Variants in TMEM74 observed in about 807,000 individuals in gnomAD.
The protein encoded by TMEM74 is transmembrane protein 74.
A neutral mutation model predicts 18.1 loss-of-function variants in TMEM74; 13 were observed. The ratio of observed to expected loss-of-function variants is 0.72; its 90% CI spans 0.47 to 1.14. TMEM74 has a LOEUF of 1.14. Among genes scored for constraint, TMEM74 ranks in the 50% most tolerant of loss-of-function variants. The probability of loss-of-function intolerance (pLI) is 0.00; values close to 1 mark genes in which losing one functional copy is unlikely to be tolerated. For synonymous variants in TMEM74, 159 were observed against 146.6 expected, an observed-to-expected ratio of 1.08 and a Z score of -0.61; for missense variants, 372 against 375.9, an observed-to-expected ratio of 0.99 and a Z score of 0.09.
rs117142920 is a variant in TMEM74, at chr8:108,675,253, A to G, written n.120-19816T>C. Among the ~76,000 whole-genome samples, 114 of 152,194 alleles carry G rather than the reference A, an allele frequency of 7.5e-4. No individual in the cohort carries two copies. The East Asian group carries it at 0.021, about 28-fold the overall frequency. On this transcript the variant is annotated intron_variant and non_coding_transcript_variant, in intron 1 of 3. Coordinates refer to the TMEM74 transcript ENST00000518838. The stretch of plus-strand genomic sequence containing the variant: ...TCCTTTTGGTATTGCTTGTACTTGT[A>G]TTTGAACTTGAATCCTGATATCAGT...
chr8:108,633,755 T>C (rs1435874261), intron 2 of TMEM74, among the ~76,000 whole-genome samples: 1 of 152,014 alleles, frequency 6.6e-6, no homozygotes, highest in Non-Finnish European at 1.5e-5. Context: ...TTCCAAATGC[T>C]CTCTAATGGA....
chr8:108,665,050 T>G (rs1474556222), intron 1 of TMEM74, among the ~76,000 whole-genome samples: 1 of 152,132 alleles, frequency 6.6e-6, no homozygotes, highest in Non-Finnish European at 1.5e-5. Context: ...TTATCTCTCT[T>G]GCCAATGGTC....
Position 108,686,654 on chromosome 8 carries a change from T to C in TMEM74, n.120-31217A>G, listed in dbSNP as rs539549100. On this transcript the variant is annotated intron_variant and non_coding_transcript_variant, in intron 1 of 3. Transcript: ENST00000518838. ...TAATTGCTTTGCAAATCTCACTCAG[T>C]CAGGTTCTAAGTCCAACATTTGTAG... is the stretch of plus-strand genomic sequence containing the variant. Among the ~76,000 whole-genome samples, 10 of 150,298 alleles carry C rather than the reference T, an allele frequency of 6.7e-5. No homozygotes were observed. In the East Asian group the frequency reaches 2.0e-3, roughly 30 times the overall value.
At chr8:108,643,874 T>C (rs1812690479) in intron 2 of TMEM74, among the ~76,000 whole-genome samples, 2 of 152,040 alleles carry the variant, frequency 1.3e-5, no homozygotes, top group African/African-American at 4.8e-5. Flanking sequence ...TGGAAAAATA[T>C]TCCATGCTCA....
At chr8:108,726,796 GT>G (rs1185853758) in intron 1 of TMEM74, among the ~76,000 whole-genome samples, 1 of 151,900 alleles carries the variant, frequency 6.6e-6, no homozygotes, top group Non-Finnish European at 1.5e-5. Flanking sequence ...GAGGGTTGAG[GT>G]GAAAAATAAA....
intron 2 of TMEM74, among the ~76,000 whole-genome samples, chr8:108,613,672 C>A (rs2130535736): frequency 1.3e-5 from 2 of 152,264 alleles, no homozygotes; most frequent in South Asian, 4.1e-4. Context: ...TGCATTTTGT[C>A]CACCACAAAG....
At chr8:108,775,460 T>C (rs918619477), downstream of TMEM74, among the ~76,000 whole-genome samples, 2 of 152,190 alleles carry the variant, frequency 1.3e-5, no homozygotes, top group South Asian at 2.1e-4. Flanking sequence ...TCTTTGGCAA[T>C]GTATTTCCCT....
intron 2 of TMEM74, among the ~76,000 whole-genome samples, chr8:108,647,738 A>AT (rs1210830755): frequency 1.1e-4 from 16 of 152,146 alleles, no homozygotes; most frequent in South Asian, 2.1e-4. Context: ...ACTAAGAGCC[A>AT]TTTTTTTGCC....
rs1168459869 is a variant in TMEM74 at position 108,787,520 on chromosome 8, C to G, written c.-84G>C. 1.3e-5 allele frequency: 2 copies of G among 152,468 alleles called. No individual in the cohort carries two copies. Among genetic ancestry groups the G allele is most frequent in the East Asian group, 3.9e-4 (2 of 5,170 alleles). The allele number at this position is 152,468 out of a possible 1,614,324, so 9.4% of individuals were successfully genotyped here. A position where few individuals can be genotyped will look rare whatever the true frequency, so the allele number is the denominator to read the frequency against. ...GTGCGGCTCCAGCACCGCGCGCTCT[C>G]CCGGCACGGTTCCCGGAGAAAGTCC... On this transcript the variant is annotated 5_prime_UTR_variant, in exon 1 of 2. Transcript: ENST00000297459.
intron 2 of TMEM74, among the ~76,000 whole-genome samples, chr8:108,615,491 A>T (rs780770499): frequency 2.6e-5 from 4 of 152,184 alleles, no homozygotes; most frequent in Non-Finnish European, 5.9e-5. Context: ...CTCTATTGAC[A>T]ACTACTCAAC....
intron 1 of TMEM74, among the ~76,000 whole-genome samples, chr8:108,712,128 G>A (rs1341042272): frequency 6.6e-6 from 1 of 152,134 alleles, no homozygotes; most frequent in Non-Finnish European, 1.5e-5. Context: ...GGCTTGCAAT[G>A]TGTGTTTTAA....
intron 2 of TMEM74, among the ~76,000 whole-genome samples, chr8:108,619,780 TA>T (rs964841791): frequency 6.6e-6 from 1 of 152,170 alleles, no homozygotes; most frequent in Non-Finnish European, 1.5e-5. Context: ...GTTCAAAACG[TA>T]AAAAAGTCAT....
chr8:108,786,131 C>A (rs556641189), intron 1 of TMEM74, among the ~76,000 whole-genome samples: 1 of 152,222 alleles, frequency 6.6e-6, no homozygotes, highest in South Asian at 2.1e-4. Flanking sequence ...AACTATAAAC[C>A]CACAGAGTAA....
intron 1 of TMEM74, among the ~76,000 whole-genome samples, chr8:108,694,398 A>G (rs1321139689): frequency 1.3e-5 from 2 of 152,206 alleles, no homozygotes; most frequent in African/African-American, 4.8e-5. Context: ...AACATTGAAA[A>G]CATGCTGAGT....
At chr8:108,750,981 A>T (rs1312058948) in intron 1 of TMEM74, among the ~76,000 whole-genome samples, 1 of 151,910 alleles carries the variant, frequency 6.6e-6, no homozygotes. Flanking sequence ...CTGCCCTATG[A>T]CCCTTAGTCA....
intron 2 of TMEM74, among the ~76,000 whole-genome samples, chr8:108,645,505 T>C (rs1812709094): frequency 6.6e-6 from 1 of 152,062 alleles, no homozygotes; most frequent in Non-Finnish European, 1.5e-5. Flanking sequence ...AGAAGAAATT[T>C]TGGTTGTGCT....
intron 1 of TMEM74, among the ~76,000 whole-genome samples, chr8:108,745,448 C>T (rs1158719259): frequency 6.6e-6 from 1 of 152,114 alleles, no homozygotes; most frequent in Non-Finnish European, 1.5e-5. Flanking sequence ...TATTTTTTCT[C>T]TTGATTTTTC....
At chr8:108,671,236 C>A (rs951508350) in intron 1 of TMEM74, among the ~76,000 whole-genome samples, 1 of 152,226 alleles carries the variant, frequency 6.6e-6, no homozygotes, top group Admixed American at 6.5e-5. Context: ...TATAAGGCAC[C>A]TCCAATTTGG....
At position 108,781,539 on chromosome 8, in the gene TMEM74, T is replaced by C. The variant is rs1814307129; in HGVS notation, c.*2642A>G. ...TCGATTAAGGCAAGTATCTGAATAA[T>C]GTCACCACAGCCCAAAAGAAGTCAT... On this transcript the variant is annotated 3_prime_UTR_variant, in exon 2 of 2. Transcript: ENST00000297459. 6.6e-6 allele frequency among the ~76,000 whole-genome samples: 1 copy of C among 152,194 alleles called. No individual in the cohort carries two copies. The highest frequency in any genetic ancestry group is 2.4e-5 in the African/African-American group (1 of 41,442).
Sources: gnomAD v4.1 joint callset for allele counts (sites outside exome capture counted in the v4.1 genomes callset) on GRCh38, gnomAD v4.1.1 for gene constraint, MANE v1.5 for transcripts, NCBI Gene and HGNC (gene_info 2026-07-23, HGNC 2026-07-21) for gene names.